THADA: variants seen among roughly 807,000 people sequenced by gnomAD.
THADA encodes the protein tRNA (32-2'-O)-methyltransferase regulator THADA.
In THADA, 213 loss-of-function variants were observed where a neutral mutation model predicts 219.8. The ratio of observed to expected loss-of-function variants is 0.97; its 90% CI spans 0.87 to 1.09. THADA has a LOEUF of 1.09. THADA is among the 50% of genes least tolerant of loss of function. THADA has a pLI of 0.00. For missense variants in THADA, 2,956 were observed against 2,311.3 expected (o/e 1.28, Z -5.72); for synonymous variants, 1,018 against 828.9 (o/e 1.23, Z -3.92).
intron 9 of THADA, among the ~76,000 whole-genome samples, chr2:43,578,296 C>A (rs1040190481): frequency 2.0e-5 from 3 of 151,078 alleles, no homozygotes; most frequent in Non-Finnish European, 2.9e-5. Flanking sequence ...CTGTGCACCA[C>A]CATACCCAGC....
At chr2:43,404,505 C>T (rs961637147) in intron 28 of THADA, among the ~76,000 whole-genome samples, 7 of 151,356 alleles carry the variant, frequency 4.6e-5, no homozygotes, top group African/African-American at 1.5e-4. Flanking sequence ...TGCTAAGGTA[C>T]TACCTTTTTT....
chr2:43,449,315 C>T (rs1682005115), intron 26 of THADA, among the ~76,000 whole-genome samples: 1 of 151,822 alleles, frequency 6.6e-6, no homozygotes, highest in Non-Finnish European at 1.5e-5. Flanking sequence ...TGAATAAGTC[C>T]AAGGGACCTG....
chr2:43,281,440 C>CTTTTTT (rs35111198), intron 35 of THADA, among the ~76,000 whole-genome samples: 1 of 106,840 alleles, frequency 9.4e-6, no homozygotes. Context: ...TCATGTACTT[C>CTTTTTT]TTTTTTTTTT....
intron 21 of THADA, among the ~76,000 whole-genome samples, chr2:43,533,772 G>C (rs1196638411): frequency 6.6e-6 from 1 of 152,146 alleles, no homozygotes; most frequent in Non-Finnish European, 1.5e-5. Flanking sequence ...GAGAGCATTA[G>C]GACAAATATC....
At chr2:43,581,023 CA>C (rs1257749092) in intron 8 of THADA, among the ~76,000 whole-genome samples, 1 of 152,134 alleles carries the variant, frequency 6.6e-6, no homozygotes, top group East Asian at 1.9e-4. Flanking sequence ...AAGTTACATT[CA>C]AACATATATT....
chr2:43,422,595 C>T (rs955939275), intron 28 of THADA, among the ~76,000 whole-genome samples: 1 of 152,218 alleles, frequency 6.6e-6, no homozygotes, highest in Non-Finnish European at 1.5e-5. Context: ...CCCACAAAAA[C>T]TGCTATGAAG....
chr2:43,363,040 T>C (rs558592010), intron 29 of THADA, among the ~76,000 whole-genome samples: 5 of 152,170 alleles, frequency 3.3e-5, no homozygotes, highest in Admixed American at 1.3e-4. Flanking sequence ...CATGGAGCAG[T>C]CACCGTATAT....
At chr2:43,554,571 T>C (rs967031187) in intron 17 of THADA, among the ~76,000 whole-genome samples, 2 of 152,136 alleles carry the variant, frequency 1.3e-5, no homozygotes, top group African/African-American at 4.8e-5. Context: ...AATAATTGTA[T>C]TAGTAATCAG....
intron 29 of THADA, among the ~76,000 whole-genome samples, chr2:43,372,490 A>G (rs1478814703): frequency 6.6e-6 from 1 of 152,180 alleles, no homozygotes; most frequent in Non-Finnish European, 1.5e-5. Context: ...ATGAAGTGAC[A>G]GGTGAAGTGG....
chr2:43,507,942 T>G (rs747288950), intron 23 of THADA, among the ~76,000 whole-genome samples: 1 of 152,172 alleles, frequency 6.6e-6, no homozygotes. Flanking sequence ...GAGCAAGCAG[T>G]GTGTATGTTT....
At chr2:43,572,419 G>A (rs1438632817) in intron 12 of THADA, among the ~76,000 whole-genome samples, 2 of 152,106 alleles carry the variant, frequency 1.3e-5, no homozygotes, top group Admixed American at 6.5e-5. Flanking sequence ...GCTCATTTGG[G>A]TCCCTCCATT....
intron 36 of THADA, among the ~76,000 whole-genome samples, chr2:43,276,239 G>C (rs1194397977): frequency 6.6e-6 from 1 of 152,200 alleles, no homozygotes; most frequent in Non-Finnish European, 1.5e-5. Flanking sequence ...GAGGGGCAGA[G>C]AGGGTCCTGC....
At position 43,551,852 on chromosome 2, in the gene THADA, C is replaced by T. The variant is rs779981719; in HGVS notation, c.2884G>A (p.Val962Met). The part of the protein sequence containing the change: ...LLLMSYRLST[V>M]VSPVIQSSSP... ...GAGCTCTGAATGACTGGAGACACCA[C>T]AGTGGAAAGCCTGTAGGACATCAAA... The change falls in exon 19 of 38, where the codon GTG becomes ATG. Residue 962 changes from valine to methionine, a missense_variant. Physicochemically the swap from Val to Met is conservative, Grantham distance 21. Coordinates refer to ENST00000405975, the MANE Select transcript of THADA (RefSeq NM_022065.5). 1 of 1,613,902 alleles carries T rather than the reference C, an allele frequency of 6.2e-7. No individual in the cohort carries two copies. The highest frequency in any genetic ancestry group is 1.1e-5 in the South Asian group (1 of 91,074).
Position 43,586,413 on chromosome 2 carries a change from A to G in THADA, c.521T>C (p.Leu174Pro). 1 of 1,585,070 alleles carries G rather than the reference A, an allele frequency of 6.3e-7. No homozygotes were observed. The highest frequency in any genetic ancestry group is 8.6e-7 in the Non-Finnish European group (1 of 1,166,118). Residue 174 changes from leucine (L) to proline (P), a missense_variant, in exon 7 of 38, where the codon CTG becomes CCG. Transcript: ENST00000405975. ...HFLQKSLIEI[L>P]EENRKCAGNH... Reference sequence around the variant, plus strand: ...ATATAGCACTTGCCTATTTTCTTCCAGGATTTCAATTAAACTCTTCTGCAG... The same window carrying G: ...ATATAGCACTTGCCTATTTTCTTCCGGGATTTCAATTAAACTCTTCTGCAG...
intron 7 of THADA, among the ~76,000 whole-genome samples, chr2:43,585,225 C>T (rs908804503): frequency 2.0e-5 from 3 of 151,804 alleles, no homozygotes; most frequent in Non-Finnish European, 2.9e-5. Context: ...AACATGACTA[C>T]CCTGGCTGGG....
rs547348973 is a variant in THADA at position 43,253,521 on chromosome 2, C to G, written c.5297-20639G>C. 1.1e-4 allele frequency among the ~76,000 whole-genome samples: 17 copies of G among 152,218 alleles called. No homozygotes were observed. In the East Asian group the frequency reaches 1.2e-3, roughly 10 times the overall value. ...TAACCTGACCTTTCAACAGTGTTTG[C>G]GTGGGTGACCAAACCTGCCCTCTTG... On this transcript the variant is annotated intron_variant, in intron 36 of 37. Coordinates refer to ENST00000405975, the MANE Select transcript of THADA (RefSeq NM_022065.5).
rs149758360 is a variant in THADA, at chr2:43,536,180, C to T, written c.3264+4979G>A. On this transcript the variant is annotated intron_variant, in intron 21 of 37. Coordinates refer to ENST00000405975, the MANE Select transcript of THADA (RefSeq NM_022065.5). The stretch of plus-strand genomic sequence containing the variant: ...CTTCTGCATATGAAGAAAGCATACT[C>T]AGTTTTCCCAGCACCGTTTATTGGA... Among the ~76,000 whole-genome samples the T allele has an allele frequency of 8.1e-4, 124 of 152,260 alleles. No individual in the cohort carries two copies. The East Asian group carries it at 0.021, about 26-fold the overall frequency.
In THADA at chr2:43,232,708, A is replaced by G; in HGVS notation, c.5466+5T>C. ...CCTCCTACTCCCCTGACACCCCGGGATCACCTGATGCATGCTCTCCACACA... is the reference window on the plus strand; with the variant it reads ...CCTCCTACTCCCCTGACACCCCGGGGTCACCTGATGCATGCTCTCCACACA... On this transcript the variant is annotated splice_donor_5th_base_variant and intron_variant, in intron 37 of 37. Transcript: ENST00000405975. The G allele has an allele frequency of 6.2e-7, 1 of 1,613,364 alleles. No homozygotes were observed. Among genetic ancestry groups the G allele is most frequent in the Non-Finnish European group, 8.5e-7 (1 of 1,179,460 alleles).
intron 13 of THADA, among the ~76,000 whole-genome samples, chr2:43,571,401 C>T (rs567753592): frequency 1.3e-5 from 2 of 152,108 alleles, no homozygotes; most frequent in South Asian, 4.2e-4. Context: ...CAGGCACACA[C>T]TGCCACAACC....
Sources: gnomAD v4.1 joint callset for allele counts (sites outside exome capture counted in the v4.1 genomes callset) on GRCh38, gnomAD v4.1.1 for gene constraint, MANE v1.5 for transcripts, NCBI Gene and HGNC (gene_info 2026-07-23, HGNC 2026-07-21) for gene names.